ZDHHC14: variants seen among roughly 807,000 people sequenced by gnomAD.
The protein encoded by ZDHHC14 is palmitoyltransferase ZDHHC14.
Under a neutral mutation model 47.7 loss-of-function variants are expected in ZDHHC14, and 16 were observed. The ratio of observed to expected loss-of-function variants is 0.34; its 90% CI spans 0.23 to 0.51. The LOEUF (loss-of-function observed/expected upper bound fraction) is 0.51. ZDHHC14 is among the 20% of genes least tolerant of loss of function. The pLI is 0.97. For missense variants in ZDHHC14, 515 were observed against 662.5 expected (o/e 0.78, Z 2.44); for synonymous variants, 293 against 278.9 (o/e 1.05, Z -0.50).
At chr6:157,487,958 G>C (rs1209628469) in intron 1 of ZDHHC14, among the ~76,000 whole-genome samples, 1 of 152,150 alleles carries the variant, frequency 6.6e-6, no homozygotes, top group Non-Finnish European at 1.5e-5. Context: ...CCTGGACTGG[G>C]AGCCATGTGC....
At chr6:157,633,022 G>T in intron 5 of ZDHHC14, 140 bp downstream of exon 5, 1 of 870,648 alleles carries the variant, frequency 1.1e-6, no homozygotes, top group Non-Finnish European at 1.9e-6. Flanking sequence ...CAGATTCACT[G>T]GCACGAGTAG....
rs629218 is a variant in ZDHHC14, at chr6:157,676,443, G to T, written c.*3321G>T. 112,792 of 152,362 alleles carry T rather than the reference G, an allele frequency of 0.74. 42,085 individuals are homozygous for T. The highest frequency in any genetic ancestry group is 0.84 in the African/African-American group (34,708 of 41,520). 9.4% of individuals were successfully genotyped at this position (152,362 alleles called of 1,614,324 possible). A position where few individuals can be genotyped will look rare whatever the true frequency, so the allele number is the denominator to read the frequency against. ...CCCCCAGCTTACTGCGGCCTTCACC[G>T]GCTCTGTCTAGGATTGCCAGCTGTG... On this transcript the variant is annotated 3_prime_UTR_variant, in exon 9 of 9. Transcript: ENST00000359775.
intron 1 of ZDHHC14, among the ~76,000 whole-genome samples, chr6:157,498,833 G>A (rs1019230902): frequency 1.3e-4 from 20 of 152,252 alleles, no homozygotes; most frequent in African/African-American, 4.6e-4. Context: ...GCTAAACTTG[G>A]GACTTTATTA....
rs1247297739 is a variant in ZDHHC14 at position 157,463,242 on chromosome 6, C to T, written c.246-79343C>T. 3.3e-5 allele frequency among the ~76,000 whole-genome samples: 5 copies of T among 152,062 alleles called. No individual in the cohort carries two copies. The highest frequency in any genetic ancestry group is 2.1e-4 in the South Asian group (1 of 4,810). ...CAGCCTGTTGTTTCTGTTGTCTCTT[C>T]GGTGTTTGGAACATGGCATAGAACA... On this transcript the variant is annotated intron_variant, in intron 1 of 8. Transcript: ENST00000359775. The surrounding 1 kb of genome is among the most constrained non-coding windows in gnomAD (Gnocchi z 4.4).
chr6:157,461,376 A>T (rs966884670), intron 1 of ZDHHC14, among the ~76,000 whole-genome samples: 1 of 152,246 alleles, frequency 6.6e-6, no homozygotes, highest in African/African-American at 2.4e-5. Context: ...GTTACTAAAA[A>T]TAGCTTTAAA....
At chr6:157,556,019 G>C (rs1782444382) in intron 2 of ZDHHC14, among the ~76,000 whole-genome samples, 1 of 152,160 alleles carries the variant, frequency 6.6e-6, no homozygotes, top group African/African-American at 2.4e-5. Flanking sequence ...GCCATGAATG[G>C]CCGGAGGAGG....
chr6:157,533,642 G>A (rs1167774351), intron 1 of ZDHHC14, among the ~76,000 whole-genome samples: 3 of 152,316 alleles, frequency 2.0e-5, no homozygotes, highest in East Asian at 1.9e-4. Context: ...TGTAGCCTCG[G>A]CAAGTACCTG....
At chr6:157,643,415 CT>C (rs1168869250) in intron 5 of ZDHHC14, among the ~76,000 whole-genome samples, 2 of 151,828 alleles carry the variant, frequency 1.3e-5, no homozygotes, top group Non-Finnish European at 1.5e-5. Context: ...AATCCCAGCA[CT>C]TTGGGAGGAT....
intron 2 of ZDHHC14, among the ~76,000 whole-genome samples, chr6:157,578,041 T>C (rs370827034): frequency 5.3e-5 from 8 of 149,558 alleles, no homozygotes; most frequent in African/African-American, 1.5e-4. Context: ...TTTAATGGGG[T>C]TGTTTTTTTT....
intron 1 of ZDHHC14, among the ~76,000 whole-genome samples, chr6:157,533,066 T>C (rs1291025397): frequency 1.3e-5 from 2 of 152,230 alleles, no homozygotes; most frequent in African/African-American, 4.8e-5. Flanking sequence ...CACATTCTTC[T>C]AGTTACAAAT....
intron 1 of ZDHHC14, among the ~76,000 whole-genome samples, chr6:157,442,680 A>G (rs1778584562): frequency 6.6e-6 from 1 of 152,218 alleles, no homozygotes; most frequent in Non-Finnish European, 1.5e-5. Context: ...GCACGAGGTT[A>G]CGTGCTGTTT....
chr6:157,621,160 A>G (rs1785172198), intron 3 of ZDHHC14, among the ~76,000 whole-genome samples: 1 of 152,172 alleles, frequency 6.6e-6, no homozygotes, highest in Non-Finnish European at 1.5e-5. Flanking sequence ...AGTCTAAGGA[A>G]GGGCTTGGTC....
rs545462666 is a variant in ZDHHC14, at chr6:157,401,298, C to CT, written c.245+19038dup. ...AAAATAGGCACTTTTCAAAATAATA[C>CT]TTTTTTCTTGTTAACTATCGTCAAT... is the stretch of plus-strand genomic sequence containing the variant. On this transcript the variant is annotated intron_variant, in intron 1 of 8. Coordinates refer to ENST00000359775, the MANE Select transcript of ZDHHC14 (RefSeq NM_024630.3). Among the ~76,000 whole-genome samples, 91 of 152,236 alleles carry CT rather than the reference C, an allele frequency of 6.0e-4. 1 individual carries two copies. The highest frequency in any genetic ancestry group is 2.1e-3 in the African/African-American group (87 of 41,544).
At chr6:157,566,998 G>A (rs1411033665) in intron 2 of ZDHHC14, among the ~76,000 whole-genome samples, 3 of 151,922 alleles carry the variant, frequency 2.0e-5, no homozygotes, top group Non-Finnish European at 2.9e-5. Flanking sequence ...TTACAAGCAT[G>A]TGCCTCCATG....
intron 1 of ZDHHC14, among the ~76,000 whole-genome samples, chr6:157,513,442 T>C (rs1002444597): frequency 2.0e-4 from 31 of 152,170 alleles, no homozygotes; most frequent in African/African-American, 7.0e-4. Context: ...TTTCTGAACA[T>C]TTCACACCAT....
At chr6:157,489,700 C>T (rs241588) in intron 1 of ZDHHC14, among the ~76,000 whole-genome samples, 41,646 of 152,104 alleles carry the variant, frequency 0.27, 6,711 homozygotes, top group East Asian at 0.46. Context: ...AACCGCAATG[C>T]GTGGCCTCTT....
intron 3 of ZDHHC14, among the ~76,000 whole-genome samples, chr6:157,617,849 G>A (rs538416547): frequency 1.1e-4 from 16 of 152,246 alleles, no homozygotes; most frequent in Admixed American, 9.8e-4. Context: ...TGCTTTCCTC[G>A]CCTGTCCTCT....
chr6:157,456,146 G>C (rs867696214), intron 1 of ZDHHC14, among the ~76,000 whole-genome samples: 2 of 152,294 alleles, frequency 1.3e-5, no homozygotes, highest in Admixed American at 6.5e-5. Context: ...CGGGAGGGAA[G>C]CTCTTCCTGA....
At chr6:157,497,470 G>A (rs1435314093) in intron 1 of ZDHHC14, among the ~76,000 whole-genome samples, 1 of 152,150 alleles carries the variant, frequency 6.6e-6, no homozygotes, top group African/African-American at 2.4e-5. Flanking sequence ...TGCCTCATGT[G>A]GGGTGTGGTA....
Sources: gnomAD v4.1 joint callset for allele counts (sites outside exome capture counted in the v4.1 genomes callset) on GRCh38, gnomAD v4.1.1 for gene constraint, Gnocchi (gnomAD v3.1) non-coding constraint, MANE v1.5 for transcripts, NCBI Gene and HGNC (gene_info 2026-07-23, HGNC 2026-07-21) for gene names.